MOV10L1: variants seen among roughly 807,000 people sequenced by gnomAD.
MOV10L1 encodes the protein Mov10 like RNA helicase 1.
In MOV10L1, 110 loss-of-function variants were observed where a neutral mutation model predicts 143.8. The ratio of observed to expected loss-of-function variants is 0.76; its 90% CI spans 0.66 to 0.90. The LOEUF is 0.90. Ranked by LOEUF, MOV10L1 falls within the 40% of genes least tolerant of loss-of-function variation. MOV10L1 has a pLI of 0.00. For missense variants in MOV10L1, 1,406 were observed against 1,526.8 expected (o/e 0.92, Z 1.32); for synonymous variants, 593 against 581.1 (o/e 1.02, Z -0.29).
intron 10 of MOV10L1, among the ~76,000 whole-genome samples, chr22:50,121,793 G>A (rs971466938): frequency 6.6e-6 from 1 of 152,158 alleles, no homozygotes; most frequent in East Asian, 1.9e-4. Context: ...CCTTCCACAG[G>A]CCACCGACTT....
chr22:50,148,829 A>G (rs533770616), intron 19 of MOV10L1, among the ~76,000 whole-genome samples: 2 of 152,150 alleles, frequency 1.3e-5, no homozygotes, highest in South Asian at 4.2e-4. Flanking sequence ...ACACCCGGCT[A>G]ATTTTTTTGT....
chr22:50,137,678 C>T (rs2062856961), intron 15 of MOV10L1, among the ~76,000 whole-genome samples: 1 of 151,064 alleles, frequency 6.6e-6, no homozygotes, highest in African/African-American at 2.4e-5. Context: ...GCGCTCCAGC[C>T]TGGGCGACAG....
chr22:50,108,716 C>A lies in MOV10L1; in HGVS notation c.615C>A (p.Thr205=). ...TGTTAGAGGAAAGCATCTTCTTTAC[C>A]TTGGACTCCTTGAAACTGCCAGATG... ...NGVLEESIFF[T]LDSLKLPDGY... Residue 205 remains threonine (T), a synonymous_variant, in exon 5 of 27, where the codon ACC becomes ACA. Transcript: ENST00000262794. 1 of 1,614,210 alleles carries A rather than the reference C, an allele frequency of 6.2e-7. No individual in the cohort carries two copies. Among genetic ancestry groups the A allele is most frequent in the Non-Finnish European group, 8.5e-7 (1 of 1,180,038 alleles).
At chr22:50,144,531 C>T (rs1423871160) in intron 18 of MOV10L1, among the ~76,000 whole-genome samples, 1 of 151,912 alleles carries the variant, frequency 6.6e-6, no homozygotes, top group African/African-American at 2.4e-5. Context: ...CCCCAAACGT[C>T]TTGTTACTTT....
chr22:50,157,906 C>T, intron 22 of MOV10L1, 151 bp from the exon 23 acceptor site: 2 of 899,884 alleles, frequency 2.2e-6, no homozygotes, highest in Non-Finnish European at 3.3e-6. Context: ...CATATGCCAT[C>T]TGCCCTGCTC....
chr22:50,122,713 G>A (rs555959258), intron 10 of MOV10L1, among the ~76,000 whole-genome samples: 39 of 145,428 alleles, frequency 2.7e-4, no homozygotes, highest in African/African-American at 9.7e-4. Flanking sequence ...TCATCATTTT[G>A]AGGTGATGGT....
At chr22:50,090,261 T>G in intron 1 of MOV10L1, 76 bp downstream of exon 1, 2 of 1,425,362 alleles carry the variant, frequency 1.4e-6, no homozygotes, top group Non-Finnish European at 9.2e-7. Context: ...CGCCCATAGG[T>G]CTTTGAGTGC....
chr22:50,092,565 A>G (rs1028277124), intron 2 of MOV10L1, among the ~76,000 whole-genome samples: 5 of 152,170 alleles, frequency 3.3e-5, no homozygotes, highest in African/African-American at 9.7e-5. Context: ...TTGAGCCCAG[A>G]GGGTCAAGGC....
Position 50,134,383 on chromosome 22 carries a change from T to A in MOV10L1, c.1970-147T>A, listed in dbSNP as rs187881740. ...GAAGAATATGCAGTACTAATAATGC[T>A]ATAATTTAGAAACAGTATAACAGGC... On this transcript the variant is annotated intron_variant, in intron 14 of 26. Coordinates refer to ENST00000262794, the MANE Select transcript of MOV10L1 (RefSeq NM_018995.3). 20 of 644,590 alleles carry A rather than the reference T, an allele frequency of 3.1e-5. No homozygotes were observed. In the Admixed American group the frequency reaches 5.9e-4, roughly 19 times the overall value. 39.9% of individuals were successfully genotyped at this position (644,590 alleles called of 1,614,324 possible). A position where few individuals can be genotyped will look rare whatever the true frequency, so the allele number is the denominator to read the frequency against.
intron 20 of MOV10L1, 124 bp downstream of exon 20, chr22:50,149,838 C>T (rs2063249082): frequency 1.1e-5 from 9 of 802,312 alleles, no homozygotes; most frequent in African/African-American, 3.4e-5. Flanking sequence ...CCAAGGACCC[C>T]GAGGTGTTGG....
At position 50,120,582 on chromosome 22, in the gene MOV10L1, T is replaced by A. The variant is rs546504040; in HGVS notation, c.1535T>A (p.Ile512Asn). The A allele has an allele frequency of 6.2e-7, 1 of 1,613,588 alleles. No homozygotes were observed. The highest frequency in any genetic ancestry group is 1.7e-5 in the Admixed American group (1 of 60,000). The change falls in exon 10 of 27, where the codon ATT (isoleucine) becomes AAT (asparagine). Residue 512 changes from isoleucine (I) to asparagine (N), a missense_variant. Coordinates refer to ENST00000262794, the MANE Select transcript of MOV10L1 (RefSeq NM_018995.3). ...DRLRKCVEQK[I>N]DILTFQPLLA... ...CTTAGAAAATGTGTGGAACAAAAAATTGACATCCTGACTTTCCAGCCATTA... is the reference window on the plus strand; with the variant it reads ...CTTAGAAAATGTGTGGAACAAAAAAATGACATCCTGACTTTCCAGCCATTA...
At chr22:50,103,627 C>T (rs1232805203) in intron 3 of MOV10L1, among the ~76,000 whole-genome samples, 5 of 152,170 alleles carry the variant, frequency 3.3e-5, no homozygotes. Context: ...GAGCTGCGAG[C>T]ATGTGGTGGC....
intron 7 of MOV10L1, 100 bp downstream of exon 7, chr22:50,114,722 C>A (rs984570222): frequency 1.3e-6 from 2 of 1,503,752 alleles, no homozygotes; most frequent in Non-Finnish European, 9.0e-7. Context: ...GCCAGGACAC[C>A]CGGCAGCTAC....
At chr22:50,125,933 G>A (rs778472306) in intron 11 of MOV10L1, among the ~76,000 whole-genome samples, 3 of 149,782 alleles carry the variant, frequency 2.0e-5, no homozygotes, top group Admixed American at 6.7e-5. Context: ...AACTACAGGC[G>A]CCCGCCACCA....
intron 11 of MOV10L1, among the ~76,000 whole-genome samples, 193 bp from the exon 12 acceptor site, chr22:50,126,009 G>C (rs1480519019): frequency 6.6e-6 from 1 of 151,560 alleles, no homozygotes; most frequent in Non-Finnish European, 1.5e-5. Context: ...AGCCAGGATG[G>C]TCTCGATCCC....
Position 50,161,432 on chromosome 22 carries a change from C to A in MOV10L1, c.3619C>A (p.His1207Asn). 1 of 1,595,738 alleles carries A rather than the reference C, an allele frequency of 6.3e-7. No homozygotes were observed. Among genetic ancestry groups the A allele is most frequent in the Non-Finnish European group, 8.5e-7 (1 of 1,171,090 alleles). Residue 1207 changes from histidine to asparagine, a missense_variant, in exon 27 of 27, where the codon CAT (histidine) becomes AAT (asparagine). His to Asn is a moderately conservative substitution (Grantham distance 68, BLOSUM62 1). Transcript: ENST00000262794. Reference sequence around the variant, plus strand: ...GCCAGAATCCACAGGACCAGAGAAGCATCAGGAGCCCAGCTGATCTGCAGT... The same window carrying A: ...GCCAGAATCCACAGGACCAGAGAAGAATCAGGAGCCCAGCTGATCTGCAGT... ...VVPESTGPEK[H>N]QEPS
At chr22:50,155,543 T>C (rs972789245) in intron 22 of MOV10L1, among the ~76,000 whole-genome samples, 4 of 152,204 alleles carry the variant, frequency 2.6e-5, no homozygotes, top group Non-Finnish European at 5.9e-5. Flanking sequence ...TGGTGCAATC[T>C]TGGCTCACTG....
chr22:50,149,255 T>C (rs1429442203), intron 19 of MOV10L1: 1 of 218,288 alleles, frequency 4.6e-6, no homozygotes, highest in African/African-American at 2.3e-5. Flanking sequence ...GGCATTTTGA[T>C]AATGACAGGA....
chr22:50,099,469 A>G lies in MOV10L1; in HGVS notation c.309A>G (p.Glu103=), dbSNP rs764341057. The G allele has an allele frequency of 1.2e-6, 2 of 1,614,130 alleles. No individual in the cohort carries two copies. Among genetic ancestry groups the G allele is most frequent in the South Asian group, 2.2e-5 (2 of 91,074 alleles). ...IRVEAVSDKW[E]DDSRNHGSPS... ...TAGAAGCTGTCTCTGATAAGTGGGA[A>G]GACGACAGCAGAAACCATGGGAGTC... is the stretch of plus-strand genomic sequence containing the variant. Residue 103 remains glutamate, a synonymous_variant, in exon 3 of 27, where the codon GAA becomes GAG. Transcript: ENST00000262794.
Sources: allele counts gnomAD v4.1 joint callset (sites outside exome capture counted in the v4.1 genomes callset), GRCh38; gene constraint gnomAD v4.1.1; transcripts MANE v1.5; gene names NCBI Gene and HGNC (gene_info 2026-07-23, HGNC 2026-07-21).